Variants in COL9A3 observed in about 807,000 individuals in gnomAD.
COL9A3 encodes collagen alpha-3(IX) chain.
A neutral mutation model predicts 110.2 loss-of-function variants in COL9A3; 82 were observed. That is an observed-to-expected ratio of 0.74 (90% CI 0.62 to 0.89). The LOEUF (loss-of-function observed/expected upper bound fraction) is 0.89. Ranked by LOEUF, COL9A3 falls within the 40% of genes least tolerant of loss-of-function variation. COL9A3 has a pLI of 0.00. For synonymous variants in COL9A3, 494 were observed against 403.8 expected (o/e 1.22, Z -2.68); for missense variants, 1,066 against 981.3 (o/e 1.09, Z -1.15).
chr20:62,825,867 G>T lies in COL9A3; in HGVS notation c.681G>T (p.Leu227=), dbSNP rs1430132721. ...GPAGLPGSVG[L]QGPRGLRGLP... ...CCGGCCTCCCGGGCAGCGTGGGGCT[G>T]CAGGTGAGGCTAGGAAGGGGTAAGG... The change falls in exon 13 of 32, where the codon CTG becomes CTT. Residue 227 remains leucine (L), a synonymous_variant. Coordinates refer to ENST00000649368, the MANE Select transcript of COL9A3 (RefSeq NM_001853.4). 5.1e-6 allele frequency: 8 copies of T among 1,559,030 alleles called. No individual in the cohort carries two copies. Among genetic ancestry groups the T allele is most frequent in the Non-Finnish European group, 6.9e-6 (8 of 1,151,272 alleles).
chr20:62,833,138 G>A (rs879105162), intron 26 of COL9A3, 74 bp downstream of exon 26: 1 of 1,254,550 alleles, frequency 8.0e-7, no homozygotes, highest in South Asian at 1.2e-5. Context: ...GAACAGTCCT[G>A]GGGACAGGGT....
intron 10 of COL9A3, among the ~76,000 whole-genome samples, chr20:62,823,796 C>T (rs1401883298): frequency 1.3e-5 from 2 of 152,260 alleles, no homozygotes; most frequent in African/African-American, 2.4e-5. Flanking sequence ...AGGATGGGCC[C>T]GACCTGAGGC....
In COL9A3 at chr20:62,829,785, G is replaced by A; in HGVS notation, c.1127G>A (p.Gly376Glu). The A allele has an allele frequency of 1.3e-6, 2 of 1,587,632 alleles. No homozygotes were observed. Among genetic ancestry groups the A allele is most frequent in the Non-Finnish European group, 1.7e-6 (2 of 1,167,460 alleles). Residue 376 changes from glycine (G) to glutamate (E), a missense_variant, in exon 22 of 32, where the codon GGG (glycine) becomes GAG (glutamate). Physicochemically the swap from Gly to Glu is moderately conservative, Grantham distance 98 (BLOSUM62 -2). Transcript: ENST00000649368. ...PGVPGDAGMP[G>E]ERGEAGHRGS... is the part of the protein sequence containing the mutation. ...CTGTAGGGAGATGCTGGCATGCCTG[G>A]GGAGCGCGGTGAGGCTGGCCACCGG...
intron 3 of COL9A3, 58 bp from the exon 4 acceptor site, chr20:62,819,164 A>T: frequency 6.5e-7 from 1 of 1,527,002 alleles, no homozygotes; most frequent in Non-Finnish European, 9.1e-7. Context: ...TCATTGCTGA[A>T]GGCCTGGGCT....
chr20:62,821,530 C>T lies in COL9A3; in HGVS notation c.369C>T (p.Pro123=), dbSNP rs145536132. ...AGGGCAAAGGCCTCCCTGGACCCCC[C>T]GTGAGTACTGACAACCCTTGGGGCC... is the stretch of plus-strand genomic sequence containing the variant. ...GLGGKGLPGP[P]GEAGVSGPPG... is the part of the protein sequence containing the mutation. Residue 123 remains proline, a splice_region_variant and synonymous_variant, in exon 7 of 32, where the codon CCC becomes CCT. Transcript: ENST00000649368. The T allele has an allele frequency of 9.9e-6, 16 of 1,612,540 alleles. No individual in the cohort carries two copies. The highest frequency in any genetic ancestry group is 6.7e-5 in the East Asian group (3 of 44,854).
intron 19 of COL9A3, 111 bp from the exon 20 acceptor site, chr20:62,829,344 T>G: frequency 7.0e-7 from 1 of 1,429,042 alleles, no homozygotes; most frequent in Non-Finnish European, 9.6e-7. Flanking sequence ...TGGCCCTGCC[T>G]TTGGGTGCAC....
chr20:62,820,114 G>A (rs2147198055), intron 5 of COL9A3, 132 bp downstream of exon 5: 1 of 1,094,946 alleles, frequency 9.1e-7, no homozygotes, highest in South Asian at 1.3e-5. Context: ...TGCCTGGGGT[G>A]GAGGGGCAGA....
intron 24 of COL9A3, chr20:62,831,674 C>T (rs373194567): frequency 5.4e-6 from 1 of 184,316 alleles, no homozygotes; most frequent in South Asian, 9.3e-5. Context: ...ATTTCCCTTT[C>T]ACTTTAAACT....
intron 29 of COL9A3, chr20:62,836,848 A>G (rs1171430478): frequency 6.1e-6 from 4 of 659,348 alleles, no homozygotes; most frequent in African/African-American, 1.8e-5. Flanking sequence ...AGGTCCCTAA[A>G]CACCCCCAAG....
chr20:62,831,317 C>T (rs1308690024), intron 24 of COL9A3: 1 of 152,360 alleles, frequency 6.6e-6, no homozygotes, highest in Non-Finnish European at 1.5e-5. Context: ...TGGGTCTGGT[C>T]TGGGCCCCAG....
At chr20:62,817,009 C>CCCCG (rs970261400), upstream of COL9A3, 54 of 1,088,740 alleles carry the variant, frequency 5.0e-5, no homozygotes, top group African/African-American at 6.7e-5. Flanking sequence ...CCACCTCCCG[C>CCCCG]CCCGCCCGCC....
At position 62,818,573 on chromosome 20, in the gene COL9A3, G is replaced by A. The variant is rs144876240; in HGVS notation, c.183+20G>A. The A allele has an allele frequency of 2.8e-4, 446 of 1,611,034 alleles. 4 individuals are homozygous for A. In the African/African-American group the frequency reaches 5.1e-3, roughly 18 times the overall value. On this transcript the variant is annotated intron_variant, in intron 3 of 31. Coordinates refer to ENST00000649368, the MANE Select transcript of COL9A3 (RefSeq NM_001853.4). ...CCCCCGGTGAGTGTCCCTGGCTGGGGAGACAGCCTTTTTCCAGTCTGGAGA... is the reference window on the plus strand; with the variant it reads ...CCCCCGGTGAGTGTCCCTGGCTGGGAAGACAGCCTTTTTCCAGTCTGGAGA...
At chr20:62,824,600 G>A in intron 11 of COL9A3, 99 bp downstream of exon 11, 4 of 1,293,982 alleles carry the variant, frequency 3.1e-6, no homozygotes, top group Non-Finnish European at 2.2e-6. Context: ...CAGAAAGCTG[G>A]ACCCTGGTTC....
At position 62,840,767 on chromosome 20, in the gene COL9A3, C is replaced by G. The variant is rs748965304; in HGVS notation, c.*35C>G. 3.9e-6 allele frequency: 6 copies of G among 1,550,650 alleles called. No individual in the cohort carries two copies. The highest frequency in any genetic ancestry group is 5.2e-6 in the Non-Finnish European group (6 of 1,146,028). On this transcript the variant is annotated 3_prime_UTR_variant, in exon 32 of 32. Coordinates refer to ENST00000649368, the MANE Select transcript of COL9A3 (RefSeq NM_001853.4). ...TGAGGAAGCAAGTGACAAGGACGCC[C>G]GAAGCACAGTGGACGGTCATGAAGG...
intron 19 of COL9A3, 141 bp downstream of exon 19, chr20:62,829,117 C>CACA: frequency 1.1e-6 from 1 of 952,162 alleles, no homozygotes; most frequent in Non-Finnish European, 1.6e-6. Context: ...CAGGGCCTGG[C>CACA]ACAACCCCTG....
Position 62,836,395 on chromosome 20 carries a change from G to A in COL9A3, c.1548+62G>A, listed in dbSNP as rs566316136. On this transcript the variant is annotated intron_variant, in intron 28 of 31. Transcript: ENST00000649368. ...GTTGAGATCGTGTTTTTTCCGGAAG[G>A]AAGTTACTTTGCGGGGTGACGGTGG... is the stretch of plus-strand genomic sequence containing the variant. 280 of 1,614,014 alleles carry A rather than the reference G, an allele frequency of 1.7e-4. 7 individuals are homozygous for A. In the South Asian group the frequency reaches 3.0e-3, roughly 17 times the overall value.
At chr20:62,827,086 A>G (rs2063558925) in intron 15 of COL9A3, among the ~76,000 whole-genome samples, 155 bp from the exon 16 acceptor site, 1 of 149,994 alleles carries the variant, frequency 6.7e-6, no homozygotes, top group Non-Finnish European at 1.5e-5. Flanking sequence ...ATCTCTGACC[A>G]CTCCTGGAGG....
intron 1 of COL9A3, 105 bp downstream of exon 1, chr20:62,817,247 C>A (rs1990958984): frequency 1.2e-6 from 1 of 856,190 alleles, no homozygotes; most frequent in Non-Finnish European, 1.5e-6. Context: ...GCCCCCAGCC[C>A]GTGTCGCCGT....
chr20:62,816,360 G>A (rs1034524074), upstream of COL9A3: 1 of 152,346 alleles, frequency 6.6e-6, no homozygotes, highest in Non-Finnish European at 1.5e-5. Flanking sequence ...GGGATCCCGG[G>A]GAGGGGTTCT....
Sources: gnomAD v4.1 joint callset for allele counts (sites outside exome capture counted in the v4.1 genomes callset) on GRCh38, gnomAD v4.1.1 for gene constraint, MANE v1.5 for transcripts, NCBI Gene and HGNC (gene_info 2026-07-23, HGNC 2026-07-21) for gene names.